Variants in NPAS3 observed in about 807,000 individuals in gnomAD.
NPAS3 encodes neuronal PAS domain protein 3.
Under a neutral mutation model 73.1 loss-of-function variants are expected in NPAS3, and 14 were observed. The observed-to-expected ratio is 0.19, with a 90% CI of 0.13 to 0.30. The LOEUF is 0.30. NPAS3 is among the 10% of genes least tolerant of loss of function. NPAS3 has a pLI of 1.00. For missense variants in NPAS3, 1,096 were observed against 1,250.0 expected (o/e 0.88, Z 1.86); for synonymous variants, 620 against 541.5 (o/e 1.14, Z -2.01).
At chr14:33,319,020 G>T (rs968482373) in intron 3 of NPAS3, among the ~76,000 whole-genome samples, 2 of 152,092 alleles carry the variant, frequency 1.3e-5, no homozygotes, top group African/African-American at 4.8e-5. Context: ...AGATTGGCCG[G>T]AGAGTTTTCC....
intron 3 of NPAS3, among the ~76,000 whole-genome samples, chr14:33,270,680 G>T (rs1187316569): frequency 6.6e-6 from 1 of 152,186 alleles, no homozygotes; most frequent in African/African-American, 2.4e-5. Context: ...CTGGAAGATC[G>T]TAATTAAAGA....
chr14:33,799,197 G>C (rs1460260878), intron 11 of NPAS3, among the ~76,000 whole-genome samples: 1 of 152,088 alleles, frequency 6.6e-6, no homozygotes, highest in Non-Finnish European at 1.5e-5. Flanking sequence ...TCAGATGGTG[G>C]TAAGTGCTGT....
chr14:33,767,599 CTT>C (rs10711937), intron 7 of NPAS3, among the ~76,000 whole-genome samples: 7 of 138,622 alleles, frequency 5.0e-5, no homozygotes, highest in Admixed American at 1.4e-4. Flanking sequence ...GGACTCTTGT[CTT>C]TTTTTTTTTT....
intron 3 of NPAS3, among the ~76,000 whole-genome samples, chr14:33,266,065 G>A (rs2040803491): frequency 6.6e-6 from 1 of 151,804 alleles, no homozygotes. Flanking sequence ...GATAAATTTT[G>A]TGCTTCAGAA....
At chr14:33,022,602 C>T (rs544085665) in intron 1 of NPAS3, among the ~76,000 whole-genome samples, 14 of 147,540 alleles carry the variant, frequency 9.5e-5, no homozygotes, top group Non-Finnish European at 1.3e-4. Context: ...GAGGCGGAGC[C>T]TGCAGTGAGC....
At chr14:33,378,460 A>T (rs181530932) in intron 4 of NPAS3, among the ~76,000 whole-genome samples, 2 of 152,042 alleles carry the variant, frequency 1.3e-5, no homozygotes, top group African/African-American at 4.8e-5. Flanking sequence ...ACATGGCGAA[A>T]CCCTATCTCT....
chr14:33,593,303 G>A (rs545081520), intron 5 of NPAS3, among the ~76,000 whole-genome samples: 1 of 152,282 alleles, frequency 6.6e-6, no homozygotes, highest in South Asian at 2.1e-4. Flanking sequence ...AAAGAGCAGT[G>A]ATGTTGAGCT....
intron 5 of NPAS3, among the ~76,000 whole-genome samples, chr14:33,585,263 A>G (rs1035449936): frequency 6.6e-5 from 10 of 152,170 alleles, no homozygotes; most frequent in African/African-American, 2.2e-4. Context: ...TAAATCTAAT[A>G]AATATGAAGG....
At position 33,147,730 on chromosome 14, in the gene NPAS3, A is replaced by AAAAAAT. The variant is rs372663411; in HGVS notation, c.141-67451_141-67450insAAAATA. 2.0e-4 allele frequency among the ~76,000 whole-genome samples: 26 copies of AAAAAAT among 130,360 alleles called. No individual in the cohort carries two copies. The East Asian group carries it at 2.1e-3, about 10-fold the overall frequency. 85.5% of individuals were successfully genotyped at this position (130,360 alleles called of 152,430 possible). On this transcript the variant is annotated intron_variant, in intron 2 of 11. Transcript: ENST00000356141. Reference sequence around the variant, plus strand: ...CCCTAGAACTTAAAGTAGAATAAAAAATATATATATATATATATATATATA... The same window carrying AAAAAAT: ...CCCTAGAACTTAAAGTAGAATAAAAAAAAAATATATATATATATATATATATATATA...
At chr14:33,010,682 T>C (rs1002174086) in intron 1 of NPAS3, among the ~76,000 whole-genome samples, 2 of 152,178 alleles carry the variant, frequency 1.3e-5, no homozygotes, top group Non-Finnish European at 2.9e-5. Context: ...CTGGGCATAG[T>C]GGCTCACGCC....
intron 2 of NPAS3, among the ~76,000 whole-genome samples, chr14:33,204,916 G>T (rs973349273): frequency 6.6e-6 from 1 of 151,652 alleles, no homozygotes; most frequent in Non-Finnish European, 1.5e-5. Context: ...AGCACTATTT[G>T]GTCACTCATT....
At chr14:33,186,235 A>G (rs937275452) in intron 2 of NPAS3, among the ~76,000 whole-genome samples, 2 of 152,202 alleles carry the variant, frequency 1.3e-5, no homozygotes, top group Admixed American at 1.3e-4. Context: ...TCTCTGCAGT[A>G]TAAGTACACT....
chr14:33,096,512 A>G (rs1482950906), intron 2 of NPAS3, among the ~76,000 whole-genome samples: 2 of 152,236 alleles, frequency 1.3e-5, no homozygotes, highest in African/African-American at 2.4e-5. Flanking sequence ...GAACAGGTTT[A>G]GTATTGGACT....
intron 4 of NPAS3, among the ~76,000 whole-genome samples, chr14:33,483,706 T>C (rs1447646202): frequency 2.0e-5 from 3 of 152,186 alleles, no homozygotes; most frequent in Non-Finnish European, 4.4e-5. Context: ...TAATGGAAAC[T>C]AGTTGTCACC....
At chr14:33,143,437 G>C (rs1280115115) in intron 2 of NPAS3, among the ~76,000 whole-genome samples, 1 of 151,946 alleles carries the variant, frequency 6.6e-6, no homozygotes, top group Non-Finnish European at 1.5e-5. Flanking sequence ...GTTGAGGTGA[G>C]CCGAGATTGC....
At chr14:33,695,329 G>A (rs999029943) in intron 6 of NPAS3, among the ~76,000 whole-genome samples, 21 of 152,136 alleles carry the variant, frequency 1.4e-4, no homozygotes, top group Non-Finnish European at 2.8e-4. Flanking sequence ...ATTCCTAGTT[G>A]TAGCATTGTT....
At chr14:33,345,916 G>T (rs1161452099) in intron 3 of NPAS3, among the ~76,000 whole-genome samples, 1 of 152,134 alleles carries the variant, frequency 6.6e-6, no homozygotes, top group Non-Finnish European at 1.5e-5. Context: ...AATATCTATG[G>T]AAAGACTATG....
At position 32,980,818 on chromosome 14, in the gene NPAS3, T is replaced by A. The variant is rs188721120; in HGVS notation, c.50+41452T>A. 5.1e-3 allele frequency among the ~76,000 whole-genome samples: 772 copies of A among 152,292 alleles called. 6 individuals are homozygous for A. Among genetic ancestry groups the A allele is most frequent in the South Asian group, 0.026 (127 of 4,824 alleles). On this transcript the variant is annotated intron_variant, in intron 1 of 11. Coordinates refer to ENST00000356141, the Ensembl canonical transcript of NPAS3. The stretch of plus-strand genomic sequence containing the variant: ...CCATGAATTTGAATCGAGGCCAGTA[T>A]CTCTAAATTTGAAATAAACTGATAC...
At chr14:33,705,772 G>A (rs1249305825) in intron 6 of NPAS3, among the ~76,000 whole-genome samples, 6 of 152,156 alleles carry the variant, frequency 3.9e-5, no homozygotes, top group Admixed American at 6.5e-5. Flanking sequence ...TGGGAAATAC[G>A]TACTGAAAAA....
Sources: allele counts gnomAD v4.1 joint callset (sites outside exome capture counted in the v4.1 genomes callset), GRCh38; gene constraint gnomAD v4.1.1; transcripts MANE v1.5; gene names NCBI Gene and HGNC (gene_info 2026-07-23, HGNC 2026-07-21).